ARHGEF16: variants seen among roughly 807,000 people sequenced by gnomAD.
ARHGEF16 encodes Rho guanine exchange factor (GEF) 16.
In ARHGEF16, 59 loss-of-function variants were observed where a neutral mutation model predicts 74.1. The observed-to-expected ratio is 0.80, with a 90% CI of 0.65 to 0.99. ARHGEF16 has a LOEUF of 0.99. Among genes scored for constraint, ARHGEF16 ranks in the 50% least tolerant of loss-of-function variants. ARHGEF16 has a pLI of 0.00. For synonymous variants in ARHGEF16, 415 were observed against 412.6 expected (o/e 1.01, Z -0.07); for missense variants, 948 against 986.6 (o/e 0.96, Z 0.52).
rs1639609997 is a variant in ARHGEF16, at chr1:3,468,483, C to T, written c.805-397C>T. On this transcript the variant is annotated intron_variant, in intron 4 of 14. Coordinates refer to ENST00000378378, the MANE Select transcript of ARHGEF16 (RefSeq NM_014448.4). ...ATAGCTTCCAGGCAGGGCACTGACT[C>T]GCCTCGCCCAGGTGGGGTCTGAGTC... 1.7e-5 allele frequency: 4 copies of T among 229,954 alleles called. No individual in the cohort carries two copies. The South Asian group carries it at 2.0e-4, about 11-fold the overall frequency. 14.2% of individuals were successfully genotyped at this position (229,954 alleles called of 1,614,324 possible).
rs1639941270 is a variant in ARHGEF16 at position 3,478,024 on chromosome 1, G to A, written c.1623G>A (p.Lys541=). 2 of 1,612,604 alleles carry A rather than the reference G, an allele frequency of 1.2e-6. No individual in the cohort carries two copies. The highest frequency in any genetic ancestry group is 1.3e-5 in the African/African-American group (1 of 74,942). ...ATGTCCTGGTTGTGACCAAGAAGAA[G>A]AGGTGGCCTTAGGGCAGGAGGGTGT... is the stretch of plus-strand genomic sequence containing the variant. ...FNDVLVVTKK[K]SEESYMVQDY... Residue 541 remains lysine (K), a splice_region_variant and synonymous_variant, in exon 11 of 15, where the codon AAG becomes AAA. Transcript: ENST00000378378.
chr1:3,469,565 A>G lies in ARHGEF16; in HGVS notation c.994A>G (p.Ile332Val), dbSNP rs1435054326. The part of the protein sequence containing the change: ...QMEHHHLFSN[I>V]LDVLGASQRF... ...GGAGCACCACCACCTCTTCTCCAAC[A>G]TCCTGGATGTCCTGGGTGCCAGTCA... Residue 332 changes from isoleucine (I) to valine (V), a missense_variant, in exon 6 of 15, where the codon ATC (isoleucine) becomes GTC (valine). Coordinates refer to ENST00000378378, the MANE Select transcript of ARHGEF16 (RefSeq NM_014448.4). 1.2e-6 allele frequency: 2 copies of G among 1,612,944 alleles called. No individual in the cohort carries two copies. Among genetic ancestry groups the G allele is most frequent in the Non-Finnish European group, 1.7e-6 (2 of 1,179,942 alleles).
chr1:3,460,167 G>A (rs1205794011), intron 1 of ARHGEF16, among the ~76,000 whole-genome samples: 4 of 152,366 alleles, frequency 2.6e-5, no homozygotes, highest in African/African-American at 7.2e-5. Context: ...TGTTAGGCCT[G>A]TGGGTGCGGC....
Position 3,480,544 on chromosome 1 carries a change from A to G in ARHGEF16, c.2087A>G (p.Asn696Ser), listed in dbSNP as rs1183948320. Reference sequence around the variant, plus strand: ...ACCAGCCGTGTGGCCGTGGAGGGCAATGTCCGCAGGATGGAGCGTCTGCGG... The same window carrying G: ...ACCAGCCGTGTGGCCGTGGAGGGCAGTGTCCGCAGGATGGAGCGTCTGCGG... ...FITSRVAVEG[N>S]VRRMERLRVE... The change falls in exon 15 of 15, where the codon AAT (asparagine) becomes AGT (serine). Residue 696 changes from asparagine (N) to serine (S), a missense_variant. Transcript: ENST00000378378. The G allele has an allele frequency of 5.0e-6, 8 of 1,611,258 alleles. No individual in the cohort carries two copies. The highest frequency in any genetic ancestry group is 1.3e-5 in the African/African-American group (1 of 74,940).
intron 3 of ARHGEF16, 163 bp from the exon 4 acceptor site, chr1:3,467,005 T>G: frequency 4.3e-6 from 3 of 695,660 alleles, no homozygotes; most frequent in Non-Finnish European, 4.6e-6. Context: ...ATAGGAGAGG[T>G]CTTGGGACTG....
At chr1:3,468,851 C>G (rs1314107082) in intron 4 of ARHGEF16, 29 bp from the exon 5 acceptor site, 11 of 1,550,168 alleles carry the variant, frequency 7.1e-6, no homozygotes, top group Non-Finnish European at 9.6e-6. Context: ...GACGTGTGAC[C>G]GAGAGCTCCT....
intron 12 of ARHGEF16, 80 bp from the exon 13 acceptor site, chr1:3,479,437 G>A (rs1328164823): frequency 1.3e-6 from 2 of 1,506,564 alleles, no homozygotes; most frequent in Non-Finnish European, 1.8e-6. Context: ...CGGCCCCCAT[G>A]GGTGGCTGTC....
rs762579977 is a variant in ARHGEF16, at chr1:3,479,861, C to T, written c.1938C>T (p.Asp646=). 46 of 1,612,284 alleles carry T rather than the reference C, an allele frequency of 2.9e-5. No individual in the cohort carries two copies. Among genetic ancestry groups the T allele is most frequent in the Middle Eastern group, 1.6e-4 (1 of 6,082 alleles). Reference sequence around the variant, plus strand: ...AGGCCTTCTTCGCGAAGCAAGCAGACGAGGTCACACTGCAGCAGGCGGACG... The same window carrying T: ...AGGCCTTCTTCGCGAAGCAAGCAGATGAGGTCACACTGCAGCAGGCGGACG... ...ITKAFFAKQA[D]EVTLQQADVV... is the part of the protein sequence containing the mutation. Residue 646 remains aspartate, a synonymous_variant, in exon 14 of 15, where the codon GAC becomes GAT. Transcript: ENST00000378378.
intron 4 of ARHGEF16, 43 bp from the exon 5 acceptor site, chr1:3,468,837 C>A (rs1639622056): frequency 6.5e-7 from 1 of 1,548,964 alleles, no homozygotes; most frequent in East Asian, 2.4e-5. Flanking sequence ...GCCCAGGCTT[C>A]TAGGACGTGT....
At chr1:3,472,929 G>C (rs908310682) in intron 6 of ARHGEF16, 149 bp from the exon 7 acceptor site, 1 of 516,840 alleles carries the variant, frequency 1.9e-6, no homozygotes, top group African/African-American at 2.1e-5. Context: ...CGCCCCAAGT[G>C]CTTGCTGTGT....
At chr1:3,457,588 G>C (rs1381526900) in intron 1 of ARHGEF16, among the ~76,000 whole-genome samples, 2 of 151,888 alleles carry the variant, frequency 1.3e-5, no homozygotes, top group African/African-American at 4.9e-5. Context: ...GGGGCAGGAG[G>C]GCGGGGCTAC....
At chr1:3,466,564 G>A (rs948233791) in intron 3 of ARHGEF16, among the ~76,000 whole-genome samples, 3 of 152,186 alleles carry the variant, frequency 2.0e-5, no homozygotes, top group African/African-American at 4.8e-5. Context: ...CGGACTCTTC[G>A]AGGCTGAAGG....
At chr1:3,459,963 G>A (rs1198160086) in intron 1 of ARHGEF16, among the ~76,000 whole-genome samples, 1 of 152,260 alleles carries the variant, frequency 6.6e-6, no homozygotes, top group Non-Finnish European at 1.5e-5. Context: ...CCGGGGATCA[G>A]GGCAGTGTGG....
In ARHGEF16 at chr1:3,468,912, C is replaced by T; in HGVS notation, c.837C>T (p.Ser279=). The T allele has an allele frequency of 6.4e-7, 1 of 1,550,418 alleles. No homozygotes were observed. Among genetic ancestry groups the T allele is most frequent in the Non-Finnish European group, 8.7e-7 (1 of 1,146,880 alleles). ...AATTGGGCATCCTGGACCAGCTCTCCACTGAGGAGCGGAAAAGGCAGGAGG... is the reference window on the plus strand; with the variant it reads ...AATTGGGCATCCTGGACCAGCTCTCTACTGAGGAGCGGAAAAGGCAGGAGG... ...VVELGILDQL[S]TEERKRQEAM... The change falls in exon 5 of 15, where the codon TCC becomes TCT. Residue 279 remains serine (S), a synonymous_variant. Transcript: ENST00000378378.
chr1:3,479,420 C>CA, intron 12 of ARHGEF16, 97 bp from the exon 13 acceptor site: 1 of 1,364,506 alleles, frequency 7.3e-7, no homozygotes, highest in South Asian at 1.3e-5. Flanking sequence ...CCCCCATCTC[C>CA]TTGCCACGGC....
intron 6 of ARHGEF16, chr1:3,471,782 G>A (rs1379504179): frequency 4.5e-6 from 5 of 1,110,074 alleles, no homozygotes; most frequent in Non-Finnish European, 5.6e-6. Context: ...GGGAATCATC[G>A]CTATTTGGGG....
chr1:3,478,441 TC>T lies in ARHGEF16; in HGVS notation c.1645del (p.Gln549ArgfsTer6). On this transcript the variant is annotated frameshift_variant, in exon 12 of 15. Coordinates refer to ENST00000378378, the MANE Select transcript of ARHGEF16 (RefSeq NM_014448.4). LOFTEE classifies it high-confidence loss of function. The stretch of plus-strand genomic sequence containing the variant: ...CTCCACAGCGAGGAGAGCTACATGG[TC>T]CAGGACTACGCCCAGATGAACCACA... ...TKKKSEESYMVQDYAQMNHIQ... is the reference protein window; with the variant it reads ...TKKKSEESYMXQDYAQMNHIQ... The T allele has an allele frequency of 6.2e-7, 1 of 1,609,624 alleles. No individual in the cohort carries two copies. Among genetic ancestry groups the T allele is most frequent in the Non-Finnish European group, 8.5e-7 (1 of 1,178,004 alleles).
chr1:3,473,489 G>A lies in ARHGEF16; in HGVS notation c.1272G>A (p.Met424Ile), dbSNP rs2100753663. 1 of 1,611,566 alleles carries A rather than the reference G, an allele frequency of 6.2e-7. No individual in the cohort carries two copies. The highest frequency in any genetic ancestry group is 8.5e-7 in the Non-Finnish European group (1 of 1,180,000). The stretch of plus-strand genomic sequence containing the variant: ...TGCTCTCCTTCCTGATCCTCCCCAT[G>A]CAGCGGGTGACCCGGCTGCCCCTCC... ...LPMLSFLILP[M>I]QRVTRLPLLM... Residue 424 changes from methionine to isoleucine, a missense_variant, in exon 8 of 15, where the codon ATG becomes ATA. Transcript: ENST00000378378.
chr1:3,455,768 G>A (rs1168620815), intron 1 of ARHGEF16, among the ~76,000 whole-genome samples: 7 of 152,178 alleles, frequency 4.6e-5, no homozygotes, highest in African/African-American at 2.4e-5. Flanking sequence ...GTTCCCAGGT[G>A]TGTGGGTTTC....
Sources: gnomAD v4.1 joint callset for allele counts (sites outside exome capture counted in the v4.1 genomes callset) on GRCh38, gnomAD v4.1.1 for gene constraint, MANE v1.5 for transcripts, NCBI Gene and HGNC (gene_info 2026-07-23, HGNC 2026-07-21) for gene names.